The following CREB5 variants were observed in gnomAD, a reference collection of about 807,000 sequenced individuals.
CREB5 encodes cAMP responsive element binding protein 5, also known as cyclic AMP-responsive element-binding protein 5.
A neutral mutation model predicts 57.1 loss-of-function variants in CREB5; 19 were observed. The ratio of observed to expected loss-of-function variants is 0.33; its 90% CI spans 0.23 to 0.49. The LOEUF is 0.49. Ranked by LOEUF, CREB5 falls within the 20% of genes least tolerant of loss-of-function variation. CREB5 has a pLI of 0.99. For synonymous variants in CREB5, 238 were observed against 238.3 expected, an observed-to-expected ratio of 1.00 and a Z score of 0.01; for missense variants, 579 against 671.6, an observed-to-expected ratio of 0.86 and a Z score of 1.52.
At chr7:28,504,640 GTTGTTACTGCTT>G (rs1053036872) in intron 3 of CREB5, among the ~76,000 whole-genome samples, 7 of 151,946 alleles carry the variant, frequency 4.6e-5, no homozygotes, top group African/African-American at 1.7e-4. Context: ...AGTTTTTTTT[GTTGTTACTGCTT>G]TTGTAAATCT....
chr7:28,311,023 G>A (rs899021362), intron 1 of CREB5, among the ~76,000 whole-genome samples: 12 of 151,314 alleles, frequency 7.9e-5, no homozygotes, highest in South Asian at 2.1e-4. Flanking sequence ...GCCAGGCACC[G>A]TGGCTCACGC....
At chr7:28,799,136 TA>T (rs906764142) in intron 7 of CREB5, among the ~76,000 whole-genome samples, 7 of 152,216 alleles carry the variant, frequency 4.6e-5, no homozygotes, top group Non-Finnish European at 8.8e-5. Context: ...ACATGGAGAA[TA>T]TTCACTGTGG....
In CREB5 at chr7:28,821,246, C is replaced by G. The variant is rs1809751993; in HGVS notation, c.*1967C>G. The G allele has an allele frequency of 6.6e-6, 1 of 151,472 alleles. No individual in the cohort carries two copies. The allele number at this position is 151,472 out of a possible 1,614,324, so 9.4% of individuals were successfully genotyped here. On this transcript the variant is annotated 3_prime_UTR_variant, in exon 11 of 11. Coordinates refer to ENST00000357727, the MANE Select transcript of CREB5 (RefSeq NM_182898.4). ...GGGAAGGATGTGTTTTTTTCTCTCACTATAGTATAAGAATCTATTTTGGAG... is the reference window on the plus strand; with the variant it reads ...GGGAAGGATGTGTTTTTTTCTCTCAGTATAGTATAAGAATCTATTTTGGAG...
intron 1 of CREB5, among the ~76,000 whole-genome samples, chr7:28,448,334 T>C (rs1476123544): frequency 6.6e-6 from 1 of 152,230 alleles, no homozygotes; most frequent in African/African-American, 2.4e-5. Flanking sequence ...ATCCTATTAG[T>C]TCTGTCCCTC....
chr7:28,349,719 G>C (rs761743910), intron 1 of CREB5, among the ~76,000 whole-genome samples: 2 of 152,140 alleles, frequency 1.3e-5, no homozygotes, highest in Non-Finnish European at 2.9e-5. Flanking sequence ...GACACCAGGA[G>C]AGGATGTACA....
At chr7:28,529,864 A>C (rs1442586150) in intron 4 of CREB5, among the ~76,000 whole-genome samples, 2 of 152,204 alleles carry the variant, frequency 1.3e-5, no homozygotes, top group Non-Finnish European at 2.9e-5. Context: ...ATCTGCCAGG[A>C]AAGTTTCTTC....
chr7:28,668,223 T>G (rs1313159665), intron 5 of CREB5, among the ~76,000 whole-genome samples: 1 of 152,222 alleles, frequency 6.6e-6, no homozygotes, highest in Non-Finnish European at 1.5e-5. Flanking sequence ...TGTTCAGTTT[T>G]TATTAAATTC....
intron 8 of CREB5, among the ~76,000 whole-genome samples, chr7:28,805,621 C>CA (rs1808676089): frequency 6.6e-6 from 1 of 152,206 alleles, no homozygotes; most frequent in African/African-American, 2.4e-5. Flanking sequence ...GGGTCAGGCA[C>CA]AAGCAACTCT....
chr7:28,496,923 C>T (rs1034871221), intron 3 of CREB5, among the ~76,000 whole-genome samples: 2 of 152,008 alleles, frequency 1.3e-5, no homozygotes, highest in Admixed American at 1.3e-4. Context: ...GAAGGATGGC[C>T]TATTCTTTTG....
At chr7:28,565,792 G>A (rs1339091102) in intron 4 of CREB5, among the ~76,000 whole-genome samples, 7 of 152,000 alleles carry the variant, frequency 4.6e-5, no homozygotes, top group Admixed American at 6.5e-5. Context: ...GTGGTGGCAC[G>A]TGCCTGTAGT....
intron 2 of CREB5, 74 bp downstream of exon 2, chr7:28,488,320 A>G: frequency 7.3e-7 from 1 of 1,369,766 alleles, no homozygotes; most frequent in Non-Finnish European, 1.0e-6. Flanking sequence ...TCACCCGGCA[A>G]TCATGCCTGC....
intron 1 of CREB5, among the ~76,000 whole-genome samples, chr7:28,318,600 G>C (rs182051418): frequency 6.6e-6 from 1 of 152,128 alleles, no homozygotes; most frequent in Admixed American, 6.5e-5. Flanking sequence ...CACTCTCAGG[G>C]TTGCCTGAGA....
intron 4 of CREB5, among the ~76,000 whole-genome samples, chr7:28,565,406 C>A (rs1254379754): frequency 6.6e-6 from 1 of 152,168 alleles, no homozygotes; most frequent in Non-Finnish European, 1.5e-5. Flanking sequence ...TTGAAAGTAT[C>A]ACCCCATTAG....
chr7:28,303,634 G>A (rs1357412967), intron 1 of CREB5, among the ~76,000 whole-genome samples: 1 of 152,108 alleles, frequency 6.6e-6, no homozygotes, highest in Non-Finnish European at 1.5e-5. Flanking sequence ...TATTGTGTTG[G>A]ACCTTCTATG....
intron 5 of CREB5, among the ~76,000 whole-genome samples, chr7:28,588,495 A>C (rs1281942687): frequency 6.6e-6 from 1 of 152,224 alleles, no homozygotes; most frequent in Non-Finnish European, 1.5e-5. Context: ...GAGACATCAC[A>C]TATGTGCAGC....
At chr7:28,534,665 A>G (rs1793882554) in intron 4 of CREB5, among the ~76,000 whole-genome samples, 1 of 145,598 alleles carries the variant, frequency 6.9e-6, no homozygotes, top group Non-Finnish European at 1.5e-5. Context: ...CATTTACCTT[A>G]CTTTCCTTCA....
intron 5 of CREB5, among the ~76,000 whole-genome samples, chr7:28,627,746 G>T (rs908449477): frequency 6.6e-6 from 1 of 152,010 alleles, no homozygotes; most frequent in African/African-American, 2.4e-5. Flanking sequence ...ACCTCCTCTG[G>T]CCATATCCTC....
At chr7:28,795,188 C>T (rs1807956230) in intron 7 of CREB5, among the ~76,000 whole-genome samples, 1 of 152,094 alleles carries the variant, frequency 6.6e-6, no homozygotes, top group Non-Finnish European at 1.5e-5. Context: ...ATCCCCACAC[C>T]CTTCTGTTAC....
At chr7:28,522,979 G>C (rs1793275903) in intron 4 of CREB5, among the ~76,000 whole-genome samples, 1 of 152,202 alleles carries the variant, frequency 6.6e-6, no homozygotes, top group Non-Finnish European at 1.5e-5. Context: ...TCCACTCGCT[G>C]TGAGGTGTTT....
Sources: gnomAD v4.1 joint callset for allele counts (sites outside exome capture counted in the v4.1 genomes callset) on GRCh38, gnomAD v4.1.1 for gene constraint, MANE v1.5 for transcripts, NCBI Gene and HGNC (gene_info 2026-07-23, HGNC 2026-07-21) for gene names.